The following MYOG variants were observed in gnomAD, a reference collection of about 807,000 sequenced individuals.
MYOG encodes myogenin, also known as class C basic helix-loop-helix protein 3.
A neutral mutation model predicts 17.7 loss-of-function variants in MYOG; 6 were observed. The observed-to-expected ratio is 0.34, with a 90% CI of 0.19 to 0.67. The LOEUF (loss-of-function observed/expected upper bound fraction) is 0.67, where lower values mean the gene tolerates loss of function less well. MYOG is among the 30% of genes least tolerant of loss of function. The pLI is 0.69. For synonymous variants in MYOG, 125 were observed against 130.2 expected, an observed-to-expected ratio of 0.96 and a Z score of 0.27; for missense variants, 272 against 302.0, an observed-to-expected ratio of 0.90 and a Z score of 0.74.
intron 1 of MYOG, 79 bp from the exon 2 acceptor site, chr1:203,084,807 A>G: frequency 7.0e-7 from 1 of 1,424,440 alleles, no homozygotes; most frequent in Non-Finnish European, 9.7e-7. Context: ...CAGTGGGCAG[A>G]AGTACCTGTG....
rs372945525 is a variant in MYOG at position 203,085,818 on chromosome 1, C to T, written c.144G>A (p.Gly48=). The change falls in exon 1 of 3, where the codon GGG becomes GGA. Residue 48 remains glycine (G), a synonymous_variant. Coordinates refer to ENST00000241651, the MANE Select transcript of MYOG (RefSeq NM_002479.6). ...TCCCCAGCCCCTTGTCCTCAAGGGG[C>T]CCTGGGGCCTCGGGGCTCAGGGTGA... is the stretch of plus-strand genomic sequence containing the variant. ...TELTLSPEAP[G]PLEDKGLGTP... 89 of 1,613,960 alleles carry T rather than the reference C, an allele frequency of 5.5e-5. No individual in the cohort carries two copies. The highest frequency in any genetic ancestry group is 7.4e-5 in the Non-Finnish European group (87 of 1,179,936).
At position 203,083,183 on chromosome 1, in the gene MYOG, C is replaced by CAAAAAAAAAAAA. The variant is rs71142588; in HGVS notation, c.*715_*726dup. ...AAAAAAGGAAATCCAAATAAGTTAG[C>CAAAAAAAAAAAA]AAAAAAAAAAAAAAAAAAAAAAAAT... is the stretch of plus-strand genomic sequence containing the variant. On this transcript the variant is annotated 3_prime_UTR_variant, in exon 3 of 3. Transcript: ENST00000241651. The CAAAAAAAAAAAA allele has an allele frequency of 1.0e-5, 1 of 99,368 alleles. No individual in the cohort carries two copies. Among genetic ancestry groups the CAAAAAAAAAAAA allele is most frequent in the Non-Finnish European group, 2.1e-5 (1 of 48,528 alleles). The allele number at this position is 99,368 out of a possible 1,614,324, so 6.2% of individuals were successfully genotyped here.
intron 2 of MYOG, 118 bp downstream of exon 2, chr1:203,084,529 G>T: frequency 1.1e-6 from 1 of 912,534 alleles, no homozygotes; most frequent in Non-Finnish European, 1.7e-6. Flanking sequence ...GAGTCAGCAG[G>T]TCCCTAGAGA....
chr1:203,084,190 CTGTGAG>C (rs1402630755), intron 2 of MYOG, among the ~76,000 whole-genome samples, 159 bp from the exon 3 acceptor site: 2 of 73,872 alleles, frequency 2.7e-5, no homozygotes, highest in African/African-American at 9.9e-5. Context: ...TCCCCATGCT[CTGTGAG>C]TGTGTGTGTG....
chr1:203,084,376 C>A (rs181824692), intron 2 of MYOG, among the ~76,000 whole-genome samples: 2 of 152,148 alleles, frequency 1.3e-5, no homozygotes, highest in Admixed American at 1.3e-4. Context: ...TCACAGGGAC[C>A]CCTGGGGCAG....
At chr1:203,085,082 A>G (rs1320392807) in intron 1 of MYOG, among the ~76,000 whole-genome samples, 1 of 152,156 alleles carries the variant, frequency 6.6e-6, no homozygotes, top group Non-Finnish European at 1.5e-5. Flanking sequence ...AGTTCCAATG[A>G]GACTGAGTGG....
In MYOG at chr1:203,085,718, G is replaced by T. The variant is rs771392128; in HGVS notation, c.244C>A (p.Arg82=). The change falls in exon 1 of 3, where the codon CGG becomes AGG. Residue 82 remains arginine (R), a synonymous_variant. Coordinates refer to ENST00000241651, the MANE Select transcript of MYOG (RefSeq NM_002479.6). ...TCCCTCAGTGTGGCCGCCCGCCGCC[G>T]GTCCACGGACACCGACTTCCTCTTA... ...VCKRKSVSVD[R]RRAATLREKR... is the part of the protein sequence containing the mutation. 1.2e-5 allele frequency: 19 copies of T among 1,613,986 alleles called. No individual in the cohort carries two copies. The East Asian group carries it at 1.8e-4, about 15-fold the overall frequency.
chr1:203,083,872 T>TG lies in MYOG; in HGVS notation c.*37dup, dbSNP rs746175423. The stretch of plus-strand genomic sequence containing the variant: ...GAAGTAGTGGCATCTGTGGCCAGCT[T>TG]GGGGGGCTCGCAAGGATGCCCGGCT... On this transcript the variant is annotated 3_prime_UTR_variant, in exon 3 of 3. Coordinates refer to ENST00000241651, the MANE Select transcript of MYOG (RefSeq NM_002479.6). 8.5e-4 allele frequency: 1,331 copies of TG among 1,574,370 alleles called. 2 individuals carry two copies. The highest frequency in any genetic ancestry group is 2.4e-3 in the South Asian group (202 of 85,902).
At chr1:203,085,127 G>T (rs3737878) in intron 1 of MYOG, among the ~76,000 whole-genome samples, 11,986 of 152,222 alleles carry the variant, frequency 0.079, 1,105 homozygotes, top group African/African-American at 0.21. Flanking sequence ...CAGGATGGGG[G>T]CAAAGCAGTC....
chr1:203,084,403 G>A (rs1653570154), intron 2 of MYOG, among the ~76,000 whole-genome samples: 1 of 152,254 alleles, frequency 6.6e-6, no homozygotes, highest in Admixed American at 6.5e-5. Context: ...TGTCCTCTCT[G>A]TGGAGAAGGT....
chr1:203,085,119 G>A (rs1326165512), intron 1 of MYOG, among the ~76,000 whole-genome samples: 1 of 152,204 alleles, frequency 6.6e-6, no homozygotes, highest in African/African-American at 2.4e-5. Context: ...GCCACACCCA[G>A]GATGGGGGCA....
chr1:203,084,858 C>T, intron 1 of MYOG, 130 bp from the exon 2 acceptor site: 1 of 840,114 alleles, frequency 1.2e-6, no homozygotes. Context: ...GCCTTCCAGC[C>T]CAGGCCATCC....
At position 203,085,708 on chromosome 1, in the gene MYOG, G is replaced by A. The variant is rs778388491; in HGVS notation, c.254C>T (p.Ala85Val). The change falls in exon 1 of 3, where the codon GCG becomes GTG. Residue 85 changes from alanine (A) to valine (V), a missense_variant. Ala to Val is a moderately conservative substitution (Grantham distance 64). Coordinates refer to ENST00000241651, the MANE Select transcript of MYOG (RefSeq NM_002479.6). Reference sequence around the variant, plus strand: ...CCTGCGCTTCTCCCTCAGTGTGGCCGCCCGCCGCCGGTCCACGGACACCGA... The same window carrying A: ...CCTGCGCTTCTCCCTCAGTGTGGCCACCCGCCGCCGGTCCACGGACACCGA... ...RKSVSVDRRR[A>V]ATLREKRRLK... is the part of the protein sequence containing the mutation. The A allele has an allele frequency of 6.8e-6, 11 of 1,613,988 alleles. No homozygotes were observed. Among genetic ancestry groups the A allele is most frequent in the African/African-American group, 6.7e-5 (5 of 74,916 alleles).
At position 203,083,857 on chromosome 1, in the gene MYOG, C is replaced by G. The variant is rs967072085; in HGVS notation, c.*53G>C. The G allele has an allele frequency of 2.6e-6, 4 of 1,564,714 alleles. No homozygotes were observed. The Admixed American group carries it at 7.7e-5, about 30-fold the overall frequency. ...GAGGCCCCTGCTACAGAAGTAGTGG[C>G]ATCTGTGGCCAGCTTGGGGGGCTCG... On this transcript the variant is annotated 3_prime_UTR_variant, in exon 3 of 3. Transcript: ENST00000241651.
chr1:203,085,779 A>G lies in MYOG; in HGVS notation c.183T>C (p.Cys61=). The change falls in exon 1 of 3, where the codon TGT becomes TGC. Residue 61 remains cysteine (C), a synonymous_variant. Coordinates refer to ENST00000241651, the MANE Select transcript of MYOG (RefSeq NM_002479.6). ...ACGCCCACGGCAGGCACTGGCCTGGACAGTGCTCGGGGGTCCCCAGCCCCT... is the reference window on the plus strand; with the variant it reads ...ACGCCCACGGCAGGCACTGGCCTGGGCAGTGCTCGGGGGTCCCCAGCCCCT... ...EDKGLGTPEH[C]PGQCLPWACK... 1 of 1,613,932 alleles carries G rather than the reference A, an allele frequency of 6.2e-7. No individual in the cohort carries two copies. The highest frequency in any genetic ancestry group is 8.5e-7 in the Non-Finnish European group (1 of 1,179,948).
chr1:203,085,211 C>T (rs1653588721), intron 1 of MYOG, among the ~76,000 whole-genome samples: 1 of 152,188 alleles, frequency 6.6e-6, no homozygotes, highest in Admixed American at 6.5e-5. Flanking sequence ...CTCACCTGGG[C>T]TGACTGTGGC....
At chr1:203,085,342 AGCTCT>A (rs1405732571) in intron 1 of MYOG, 144 bp downstream of exon 1, 1 of 709,064 alleles carries the variant, frequency 1.4e-6, no homozygotes, top group Non-Finnish European at 2.3e-6. Flanking sequence ...TGGATAGCCC[AGCTCT>A]GACCAGGGAA....
At chr1:203,084,611 G>C in intron 2 of MYOG, 36 bp downstream of exon 2, 1 of 1,558,604 alleles carries the variant, frequency 6.4e-7, no homozygotes, top group South Asian at 1.1e-5. Context: ...GGGACTGAGG[G>C]ATTGGAGCCA....
In MYOG at chr1:203,085,833, G is replaced by A. The variant is rs988920056; in HGVS notation, c.129C>T (p.Ser43=). 5.6e-6 allele frequency: 9 copies of A among 1,613,920 alleles called. No homozygotes were observed. Among genetic ancestry groups the A allele is most frequent in the Middle Eastern group, 1.6e-4 (1 of 6,084 alleles). The change falls in exon 1 of 3, where the codon AGC becomes AGT. Residue 43 remains serine, a synonymous_variant. Coordinates refer to ENST00000241651, the MANE Select transcript of MYOG (RefSeq NM_002479.6). ...PGYERTELTL[S]PEAPGPLEDK... ...CCTCAAGGGGCCCTGGGGCCTCGGG[G>A]CTCAGGGTGAGCTCCGTCCGCTCGT...
Sources: gnomAD v4.1 joint callset for allele counts (sites outside exome capture counted in the v4.1 genomes callset) on GRCh38, gnomAD v4.1.1 for gene constraint, MANE v1.5 for transcripts, NCBI Gene and HGNC (gene_info 2026-07-23, HGNC 2026-07-21) for gene names.